BAIAP3: variants seen among roughly 807,000 people sequenced by gnomAD.
The protein encoded by BAIAP3 is BAI1-associated protein 3.
Under a neutral mutation model 149.7 loss-of-function variants are expected in BAIAP3, and 180 were observed. The observed-to-expected ratio is 1.20, with a 90% CI of 1.07 to 1.36. The LOEUF is 1.36. Among genes scored for constraint, BAIAP3 ranks in the 40% most tolerant of loss-of-function variants. BAIAP3 has a pLI of 0.00. For missense variants in BAIAP3, 1,767 were observed against 1,563.4 expected, an observed-to-expected ratio of 1.13 and a Z score of -2.20; for synonymous variants, 845 against 670.7, an observed-to-expected ratio of 1.26 and a Z score of -4.02.
intron 1 of BAIAP3, chr16:1,336,217 G>C (rs958148813): frequency 1.1e-5 from 11 of 985,224 alleles, no homozygotes; most frequent in Admixed American, 1.2e-4. Context: ...GGGGACAGCA[G>C]GGGGAGCAGC....
chr16:1,346,145 C>G, intron 24 of BAIAP3, 25 bp from the exon 25 acceptor site: 2 of 1,608,374 alleles, frequency 1.2e-6, no homozygotes, highest in Admixed American at 1.7e-5. Flanking sequence ...CCGGACCCAT[C>G]GTTGCCTGGC....
At chr16:1,340,344 A>G (rs1418429977) in intron 5 of BAIAP3, among the ~76,000 whole-genome samples, 1 of 138,672 alleles carries the variant, frequency 7.2e-6, no homozygotes, top group Non-Finnish European at 1.6e-5. Flanking sequence ...GTGCACACAG[A>G]CACACGCACA....
At chr16:1,339,677 A>G (rs1368452675) in intron 5 of BAIAP3, 74 bp downstream of exon 5, 23 of 1,152,496 alleles carry the variant, frequency 2.0e-5, no homozygotes, top group African/African-American at 6.1e-5. Flanking sequence ...CACTGACACC[A>G]TCATCACCCA....
chr16:1,341,722 G>A, intron 8 of BAIAP3, 100 bp from the exon 9 acceptor site: 2 of 1,337,696 alleles, frequency 1.5e-6, no homozygotes, highest in Non-Finnish European at 2.1e-6. Flanking sequence ...CTGGAGAGCG[G>A]GTGCTTGTGG....
At chr16:1,339,454 G>T (rs972212338) in intron 4 of BAIAP3, 42 bp from the exon 5 acceptor site, 2 of 1,570,136 alleles carry the variant, frequency 1.3e-6, no homozygotes, top group Non-Finnish European at 8.7e-7. Flanking sequence ...AGGGCTGGGG[G>T]CCTGGGACGC....
In BAIAP3 at chr16:1,349,161, CA is replaced by C. The variant is rs2141625957; in HGVS notation, c.*680del. On this transcript the variant is annotated 3_prime_UTR_variant, in exon 34 of 34. Transcript: ENST00000426824. Reference sequence around the variant, plus strand: ...ATCCGTGGCCACCTGAGACCTGCTCCACGACCCTTCCAGGCAGAGCCGAGAG... The same window carrying C: ...ATCCGTGGCCACCTGAGACCTGCTCCCGACCCTTCCAGGCAGAGCCGAGAG... 3 of 499,042 alleles carry C rather than the reference CA, an allele frequency of 6.0e-6. No homozygotes were observed. Among genetic ancestry groups the C allele is most frequent in the African/African-American group, 5.8e-5 (3 of 51,722 alleles). The allele number at this position is 499,042 out of a possible 1,614,324, so 30.9% of individuals were successfully genotyped here.
At chr16:1,341,226 G>A (rs200028638) in intron 7 of BAIAP3, 31 bp downstream of exon 7, 134 of 1,608,058 alleles carry the variant, frequency 8.3e-5, no homozygotes, top group Admixed American at 5.2e-4. Context: ...CCTCGGCTGC[G>A]CCGAGGCCTG....
intron 14 of BAIAP3, 91 bp from the exon 15 acceptor site, chr16:1,343,302 G>C (rs1391267731): frequency 2.0e-6 from 3 of 1,502,478 alleles, no homozygotes; most frequent in African/African-American, 2.8e-5. Context: ...TGATTGGGTG[G>C]GGCAGAGAAA....
In BAIAP3 at chr16:1,340,994, C is replaced by G; in HGVS notation, c.468+13C>G. 1 of 1,604,202 alleles carries G rather than the reference C, an allele frequency of 6.2e-7. No individual in the cohort carries two copies. The highest frequency in any genetic ancestry group is 1.3e-5 in the African/African-American group (1 of 74,836). ...GAGGAAGGCCAAGGTGAGGCCGCCA[C>G]TGCCTGGGCAGGCACTGACCAGCAC... is the stretch of plus-strand genomic sequence containing the variant. On this transcript the variant is annotated intron_variant, in intron 6 of 33. Transcript: ENST00000426824.
At chr16:1,335,211 T>C (rs1269382097) in intron 1 of BAIAP3, among the ~76,000 whole-genome samples, 3 of 152,234 alleles carry the variant, frequency 2.0e-5, no homozygotes, top group Non-Finnish European at 4.4e-5. Flanking sequence ...CAAAATGTCA[T>C]TCCCCATTCA....
At position 1,348,685 on chromosome 16, in the gene BAIAP3, A is replaced by G. The variant is rs2034561477; in HGVS notation, c.*203A>G. ...GCTGTGAACCCCTGCACCCAACCCCACATCTGGGTGGCCAACTTGGCAGGA... is the reference window on the plus strand; with the variant it reads ...GCTGTGAACCCCTGCACCCAACCCCGCATCTGGGTGGCCAACTTGGCAGGA... On this transcript the variant is annotated 3_prime_UTR_variant, in exon 34 of 34. Transcript: ENST00000426824. The G allele has an allele frequency of 4.9e-6, 3 of 612,610 alleles. No individual in the cohort carries two copies. Among genetic ancestry groups the G allele is most frequent in the Non-Finnish European group, 8.6e-6 (3 of 348,962 alleles). 37.9% of individuals were successfully genotyped at this position (612,610 alleles called of 1,614,324 possible). A position where few individuals can be genotyped will look rare whatever the true frequency, so the allele number is the denominator to read the frequency against.
chr16:1,348,004 G>A lies in BAIAP3; in HGVS notation c.3136G>A (p.Glu1046Lys), dbSNP rs567104517. The A allele has an allele frequency of 1.6e-5, 26 of 1,609,316 alleles. No individual in the cohort carries two copies. The highest frequency in any genetic ancestry group is 9.3e-5 in the African/African-American group (7 of 75,018). Residue 1046 changes from glutamate to lysine, a missense_variant, in exon 32 of 34, where the codon GAA becomes AAA. By Grantham distance (56) the Glu-to-Lys change is moderately conservative. Coordinates refer to ENST00000426824, the MANE Select transcript of BAIAP3 (RefSeq NM_001199097.2). ...KTRTLHPVYDELFYFSVPAEA... is the reference protein window; with the variant it reads ...KTRTLHPVYDKLFYFSVPAEA... ...CCGGACGCTGCACCCTGTATACGACGAACTCTTCTACTTGTGAGTGTCCTA... is the reference window on the plus strand; with the variant it reads ...CCGGACGCTGCACCCTGTATACGACAAACTCTTCTACTTGTGAGTGTCCTA...
intron 1 of BAIAP3, among the ~76,000 whole-genome samples, chr16:1,336,013 C>A (rs2141557044): frequency 6.6e-6 from 1 of 152,252 alleles, no homozygotes; most frequent in Non-Finnish European, 1.5e-5. Context: ...AGGGAGGGTA[C>A]CGAGCCCCCT....
intron 4 of BAIAP3, 98 bp from the exon 5 acceptor site, chr16:1,339,398 G>A: frequency 6.7e-7 from 1 of 1,482,104 alleles, no homozygotes; most frequent in Non-Finnish European, 9.2e-7. Flanking sequence ...CTGGTGCAAA[G>A]AGGCAGAGGT....
intron 5 of BAIAP3, among the ~76,000 whole-genome samples, chr16:1,340,163 C>G (rs12928565): frequency 0.085 from 7,266 of 85,660 alleles, no homozygotes; most frequent in Admixed American, 0.14. Context: ...CACAGACACA[C>G]GCACACAGGC....
Position 1,341,477 on chromosome 16 carries a change from A to C in BAIAP3, c.719A>C (p.Glu240Ala). Residue 240 changes from glutamate (E) to alanine (A), a missense_variant, in exon 8 of 34, where the codon GAG (glutamate) becomes GCG (alanine). By Grantham distance (107) the Glu-to-Ala change is moderately radical. Transcript: ENST00000426824. ...AGCACCCTGAACCCCGTCTGGAAGGAGCACTTCCTCTTGTGAGGCCCTCGC... is the reference window on the plus strand; with the variant it reads ...AGCACCCTGAACCCCGTCTGGAAGGCGCACTTCCTCTTGTGAGGCCCTCGC... ...KSSTLNPVWK[E>A]HFLFEIEDVS... 1 of 1,609,392 alleles carries C rather than the reference A, an allele frequency of 6.2e-7. No homozygotes were observed. Among genetic ancestry groups the C allele is most frequent in the Non-Finnish European group, 8.5e-7 (1 of 1,177,518 alleles).
chr16:1,343,253 C>A lies in BAIAP3; in HGVS notation c.1266-140C>A, dbSNP rs1019800808. The A allele has an allele frequency of 1.7e-5, 23 of 1,316,764 alleles. No homozygotes were observed. In the African/African-American group the frequency reaches 3.2e-4, roughly 19 times the overall value. The allele number at this position is 1,316,764 out of a possible 1,614,324, so 81.6% of individuals were successfully genotyped here. ...AGGTACGGCAGCGCTAATTGGAGGG[C>A]AGGGAAAGGGGCAGTGCTATGAGTA... On this transcript the variant is annotated intron_variant, in intron 14 of 33. Coordinates refer to ENST00000426824, the MANE Select transcript of BAIAP3 (RefSeq NM_001199097.2).
intron 1 of BAIAP3, 47 bp from the exon 2 acceptor site, chr16:1,338,493 G>T: frequency 6.6e-7 from 1 of 1,518,184 alleles, no homozygotes; most frequent in Non-Finnish European, 8.9e-7. Flanking sequence ...GGTGCACGGA[G>T]GGTTGAGTGG....
Position 1,338,563 on chromosome 16 carries a change from T to C in BAIAP3, c.14T>C (p.Leu5Pro), listed in dbSNP as rs369528184. Residue 5 changes from leucine (L) to proline (P), a missense_variant, in exon 2 of 34, where the codon CTG becomes CCG. Leu to Pro is a moderately conservative substitution (Grantham distance 98). Transcript: ENST00000426824. MSTL[L>P]DIKSSVLRQV... The stretch of plus-strand genomic sequence containing the variant: ...AGGTCACCCGCCATGTCGACCTTGC[T>C]GGACATTAAGAGCAGCGTGCTCAGG... 2.5e-6 allele frequency: 4 copies of C among 1,609,872 alleles called. No homozygotes were observed. The African/African-American group carries it at 5.4e-5, about 22-fold the overall frequency.
Sources: gnomAD v4.1 joint callset for allele counts (sites outside exome capture counted in the v4.1 genomes callset) on GRCh38, gnomAD v4.1.1 for gene constraint, MANE v1.5 for transcripts, NCBI Gene and HGNC (gene_info 2026-07-23, HGNC 2026-07-21) for gene names.